Variants in FHOD3 observed in about 807,000 individuals in gnomAD.
The protein encoded by FHOD3 is formin homology 2 domain containing 3.
In FHOD3, 90 loss-of-function variants were observed where a neutral mutation model predicts 173.0. The ratio of observed to expected loss-of-function variants is 0.52; its 90% CI spans 0.44 to 0.62. The LOEUF is 0.62. Among genes scored for constraint, FHOD3 ranks in the 20% least tolerant of loss-of-function variants. The pLI, the probability that FHOD3 is intolerant of heterozygous loss-of-function variation, is 0.00. For missense variants in FHOD3, 1,945 were observed against 2,034.7 expected (o/e 0.96, Z 0.85); for synonymous variants, 828 against 823.0 (o/e 1.01, Z -0.10).
chr18:36,586,845 G>T (rs993193592), intron 6 of FHOD3, among the ~76,000 whole-genome samples: 1 of 152,122 alleles, frequency 6.6e-6, no homozygotes, highest in Non-Finnish European at 1.5e-5. Context: ...TAGCCAAGTG[G>T]ATGTTTTCTG....
At chr18:36,661,356 CT>C (rs1174756568) in intron 14 of FHOD3, among the ~76,000 whole-genome samples, 1 of 152,034 alleles carries the variant, frequency 6.6e-6, no homozygotes, top group Non-Finnish European at 1.5e-5. Context: ...GGTATATATA[CT>C]TTAGTAGAAT....
intron 8 of FHOD3, among the ~76,000 whole-genome samples, chr18:36,609,616 T>C (rs1244267651): frequency 2.7e-5 from 4 of 149,102 alleles, no homozygotes; most frequent in Non-Finnish European, 4.5e-5. Context: ...TCTTTTTTTT[T>C]TTTTTTTTTT....
chr18:36,611,590 A>G (rs2032682358), intron 8 of FHOD3, among the ~76,000 whole-genome samples: 1 of 152,124 alleles, frequency 6.6e-6, no homozygotes, highest in South Asian at 2.1e-4. Context: ...CACCTAGGAG[A>G]GTCACCCCTT....
chr18:36,555,833 T>A (rs2057857159), intron 5 of FHOD3, among the ~76,000 whole-genome samples: 1 of 152,210 alleles, frequency 6.6e-6, no homozygotes, highest in Non-Finnish European at 1.5e-5. Context: ...GAAATCTATT[T>A]TGCCTGGTAT....
intron 4 of FHOD3, among the ~76,000 whole-genome samples, chr18:36,505,085 A>T (rs1018558446): frequency 3.3e-5 from 5 of 152,226 alleles, no homozygotes; most frequent in Admixed American, 6.5e-5. Context: ...TGCAGGCTGG[A>T]TGCACCAATG....
chr18:36,603,908 C>T (rs1163320018), intron 8 of FHOD3, among the ~76,000 whole-genome samples: 1 of 152,148 alleles, frequency 6.6e-6, no homozygotes, highest in Non-Finnish European at 1.5e-5. Flanking sequence ...GCACGTGTTC[C>T]ACTGCATATT....
chr18:36,301,939 A>G (rs911081239), intron 1 of FHOD3, among the ~76,000 whole-genome samples: 3 of 152,214 alleles, frequency 2.0e-5, no homozygotes, highest in Non-Finnish European at 1.5e-5. Context: ...AATAGCTGTC[A>G]TGTCCTAGGC....
chr18:36,545,825 A>C (rs2147202896), intron 5 of FHOD3, among the ~76,000 whole-genome samples: 1 of 152,334 alleles, frequency 6.6e-6, no homozygotes, highest in South Asian at 2.1e-4. Flanking sequence ...ATGAGTAAAA[A>C]CCTTACGTAT....
chr18:36,696,561 G>A (rs1335169885), intron 17 of FHOD3, among the ~76,000 whole-genome samples: 1 of 152,196 alleles, frequency 6.6e-6, no homozygotes, highest in Non-Finnish European at 1.5e-5. Context: ...CTGATAGCAT[G>A]ATATGCCATC....
intron 18 of FHOD3, 150 bp from the exon 19 acceptor site, chr18:36,717,682 G>A: frequency 7.7e-7 from 1 of 1,305,320 alleles, no homozygotes; most frequent in Non-Finnish European, 1.0e-6. Context: ...TCTTGCCCAA[G>A]AGCGCCTTGT....
chr18:36,672,982 C>T (rs1054891181), intron 14 of FHOD3, among the ~76,000 whole-genome samples: 6 of 152,068 alleles, frequency 3.9e-5, no homozygotes, highest in Non-Finnish European at 8.8e-5. Flanking sequence ...TCCTATTTGT[C>T]TTAGCCTTAT....
At chr18:36,367,213 G>A (rs988881855) in intron 2 of FHOD3, among the ~76,000 whole-genome samples, 1 of 152,220 alleles carries the variant, frequency 6.6e-6, no homozygotes, top group Non-Finnish European at 1.5e-5. Flanking sequence ...TCTTTTAGCG[G>A]TAGTGCCGTT....
At chr18:36,583,607 C>G (rs544419114) in intron 6 of FHOD3, among the ~76,000 whole-genome samples, 1 of 152,024 alleles carries the variant, frequency 6.6e-6, no homozygotes, top group Non-Finnish European at 1.5e-5. Flanking sequence ...GGCTGTGCAC[C>G]GCTAGGCCTG....
intron 1 of FHOD3, among the ~76,000 whole-genome samples, chr18:36,321,904 T>G (rs1217554376): frequency 2.0e-5 from 3 of 152,212 alleles, no homozygotes; most frequent in African/African-American, 7.2e-5. Flanking sequence ...CGATGCCCTG[T>G]GTTCTCAGAT....
At chr18:36,747,723 G>A (rs950380210) in intron 24 of FHOD3, among the ~76,000 whole-genome samples, 1 of 152,060 alleles carries the variant, frequency 6.6e-6, no homozygotes, top group African/African-American at 2.4e-5. Context: ...GGAGAATGGG[G>A]TCTGGAACAG....
In FHOD3 at chr18:36,473,987, C is replaced by G. The variant is rs779390961; in HGVS notation, c.338-27945C>G. Among the ~76,000 whole-genome samples, 63 of 152,256 alleles carry G rather than the reference C, an allele frequency of 4.1e-4. 1 individual carries two copies. The highest frequency in any genetic ancestry group is 3.2e-3 in the Middle Eastern group (1 of 316). The stretch of plus-strand genomic sequence containing the variant: ...AGCATTGCTGATCCCACATCCCACC[C>G]TTCCTGTAGGATATGCTCATATGGC... On this transcript the variant is annotated intron_variant, in intron 3 of 28. Transcript: ENST00000590592.
chr18:36,475,751 TACACACACACACACACACAC>T (rs58982535), intron 3 of FHOD3, among the ~76,000 whole-genome samples: 88 of 143,068 alleles, frequency 6.2e-4, no homozygotes, highest in African/African-American at 2.1e-3. Context: ...TATAGAAACA[TACACACACACACACACACAC>T]ACACACACAC....
intron 3 of FHOD3, among the ~76,000 whole-genome samples, chr18:36,493,213 CTTTT>C (rs60189688): frequency 3.6e-5 from 5 of 138,158 alleles, no homozygotes; most frequent in Non-Finnish European, 6.2e-5. Flanking sequence ...TTTTCTTTTT[CTTTT>C]TTTTTTTTTT....
intron 27 of FHOD3, 53 bp downstream of exon 27, chr18:36,760,835 G>T (rs537747805): frequency 4.3e-5 from 65 of 1,521,872 alleles, no homozygotes; most frequent in South Asian, 1.2e-4. Flanking sequence ...GGCCGCTCTG[G>T]GGGGGTCCGG....
Sources: gnomAD v4.1 joint callset for allele counts (sites outside exome capture counted in the v4.1 genomes callset) on GRCh38, gnomAD v4.1.1 for gene constraint, MANE v1.5 for transcripts, NCBI Gene and HGNC (gene_info 2026-07-23, HGNC 2026-07-21) for gene names.